Variants in KIF20B observed in about 807,000 individuals in gnomAD.
KIF20B encodes the protein kinesin family member 20B, also known as kinesin-like protein KIF20B.
Under a neutral mutation model 232.5 loss-of-function variants are expected in KIF20B, and 188 were observed. The observed-to-expected ratio is 0.81, with a 90% confidence interval of 0.72 to 0.91. The LOEUF is 0.91. KIF20B is among the 40% of genes least tolerant of loss of function. KIF20B has a pLI of 0.00. For synonymous variants in KIF20B, 712 were observed against 683.0 expected, an observed-to-expected ratio of 1.04 and a Z score of -0.66; for missense variants, 2,154 against 2,055.9, an observed-to-expected ratio of 1.05 and a Z score of -0.92.
intron 18 of KIF20B, among the ~76,000 whole-genome samples, chr10:89,730,186 T>A (rs889424888): frequency 2.6e-5 from 4 of 152,174 alleles, no homozygotes; most frequent in Non-Finnish European, 4.4e-5. Flanking sequence ...TTTTGGTATT[T>A]ATTAGATACA....
intron 6 of KIF20B, among the ~76,000 whole-genome samples, chr10:89,713,616 A>C (rs1394882674): frequency 6.6e-6 from 1 of 152,156 alleles, no homozygotes; most frequent in East Asian, 1.9e-4. Flanking sequence ...AAATAATAAG[A>C]ATGCAGAAGA....
rs546352087 is a variant in KIF20B, at chr10:89,740,873, G to A, written c.3915+1777G>A. Among the ~76,000 whole-genome samples, 239 of 152,214 alleles carry A rather than the reference G, an allele frequency of 1.6e-3. 1 individual carries two copies. Among genetic ancestry groups the A allele is most frequent in the African/African-American group, 5.4e-3 (225 of 41,538 alleles). ...AAAGTCTTTTTTATTGCTACTTATA[G>A]AGGTATCTCTTTTCAAGTATAGATA... On this transcript the variant is annotated intron_variant, in intron 21 of 32. Coordinates refer to ENST00000371728, the MANE Select transcript of KIF20B (RefSeq NM_001284259.2).
In KIF20B at chr10:89,757,069, T is replaced by TATATACAC. The variant is rs138088478; in HGVS notation, c.4504-1636_4504-1635insTATACACA. Among the ~76,000 whole-genome samples, 932 of 134,228 alleles carry TATATACAC rather than the reference T, an allele frequency of 6.9e-3. 11 individuals carry two copies. The highest frequency in any genetic ancestry group is 0.022 in the African/African-American group (779 of 36,166). 88.1% of individuals were successfully genotyped at this position (134,228 alleles called of 152,430 possible). On this transcript the variant is annotated intron_variant, in intron 26 of 32. Coordinates refer to ENST00000371728, the MANE Select transcript of KIF20B (RefSeq NM_001284259.2). Reference sequence around the variant, plus strand: ...ATATATATATATATATATATATATATACACACATGACAATTGCTAGATGAT... The same window carrying TATATACAC: ...ATATATATATATATATATATATATATATATACACACACACATGACAATTGCTAGATGAT...
chr10:89,747,742 G>C (rs1034659284), intron 23 of KIF20B, among the ~76,000 whole-genome samples: 1 of 151,868 alleles, frequency 6.6e-6, no homozygotes, highest in Non-Finnish European at 1.5e-5. Context: ...GTTATGGGGT[G>C]GGGGGAGTGG....
At chr10:89,705,682 G>A (rs1842707492) in intron 2 of KIF20B, among the ~76,000 whole-genome samples, 1 of 152,142 alleles carries the variant, frequency 6.6e-6, no homozygotes, top group Non-Finnish European at 1.5e-5. Flanking sequence ...CGTGCTTATT[G>A]GTTTATTTAT....
chr10:89,737,261 T>C, intron 19 of KIF20B, 126 bp from the exon 20 acceptor site: 1 of 1,039,062 alleles, frequency 9.6e-7, no homozygotes, highest in Non-Finnish European at 1.2e-6. Flanking sequence ...ACAGCTTATT[T>C]CATTTTTTTT....
Position 89,754,690 on chromosome 10 carries a change from TC to T in KIF20B, c.4503+18del. 3.4e-6 allele frequency: 5 copies of T among 1,490,832 alleles called. No homozygotes were observed. Among genetic ancestry groups the T allele is most frequent in the Non-Finnish European group, 4.5e-6 (5 of 1,116,040 alleles). The allele number at this position is 1,490,832 out of a possible 1,614,324, so 92.4% of individuals were successfully genotyped here. The stretch of plus-strand genomic sequence containing the variant: ...AATGAAATGGTTAGTAACAATTGTA[TC>T]TTTGATGTATTTCACCTACTTTCCT... On this transcript the variant is annotated intron_variant, in intron 26 of 32. Transcript: ENST00000371728.
At chr10:89,727,763 G>A in intron 16 of KIF20B, 93 bp from the exon 17 acceptor site, 2 of 1,091,164 alleles carry the variant, frequency 1.8e-6, no homozygotes, top group Non-Finnish European at 2.6e-6. Context: ...TAACAGTAAA[G>A]TGTCACTAGA....
At chr10:89,710,283 G>A (rs1405210943) in intron 5 of KIF20B, among the ~76,000 whole-genome samples, 2 of 150,226 alleles carry the variant, frequency 1.3e-5, no homozygotes, top group South Asian at 2.1e-4. Context: ...GTGCAGTGGT[G>A]TGATCTCAGC....
rs1447456206 is a variant in KIF20B, at chr10:89,738,441, T to G, written c.3600T>G (p.Asn1200Lys). The G allele has an allele frequency of 6.2e-7, 1 of 1,603,254 alleles. No individual in the cohort carries two copies. The highest frequency in any genetic ancestry group is 1.7e-5 in the Admixed American group (1 of 57,618). The part of the protein sequence containing the change: ...KESIILKLER[N>K]LKEFQEHLQD... Reference sequence around the variant, plus strand: ...CTATCATCTTAAAGCTAGAAAGAAATTTGAAGGAATTTCAAGAACATCTTC... The same window carrying G: ...CTATCATCTTAAAGCTAGAAAGAAAGTTGAAGGAATTTCAAGAACATCTTC... Residue 1200 changes from asparagine (N) to lysine (K), a missense_variant, in exon 20 of 33, where the codon AAT becomes AAG. Transcript: ENST00000371728.
Position 89,715,070 on chromosome 10 carries a change from T to C in KIF20B, c.828T>C (p.Phe276=). The C allele has an allele frequency of 6.2e-7, 1 of 1,607,148 alleles. No individual in the cohort carries two copies. Among genetic ancestry groups the C allele is most frequent in the Non-Finnish European group, 8.5e-7 (1 of 1,175,902 alleles). ...SIKFSVWVSF[F]EIYNEYIYDL... is the part of the protein sequence containing the mutation. ...AATTTTCTGTGTGGGTTTCTTTCTT[T>C]GAAATTTACAATGAATATATTTATG... Residue 276 remains phenylalanine (F), a synonymous_variant, in exon 8 of 33, where the codon TTT becomes TTC. Transcript: ENST00000371728.
In KIF20B at chr10:89,717,433, A is replaced by T. The variant is rs1842956439; in HGVS notation, c.1062A>T (p.Ile354=). The T allele has an allele frequency of 1.3e-6, 2 of 1,578,860 alleles. No individual in the cohort carries two copies. Among genetic ancestry groups the T allele is most frequent in the Non-Finnish European group, 1.7e-6 (2 of 1,152,484 alleles). The stretch of plus-strand genomic sequence containing the variant: ...GATCTTTGTATTTCAGTCACAGCAT[A>T]TTCACTGTTAAAATATTACAGATTG... ...LNNASSRSHS[I]FTVKILQIED... Residue 354 remains isoleucine (I), a synonymous_variant, in exon 10 of 33, where the codon ATA becomes ATT. Coordinates refer to ENST00000371728, the MANE Select transcript of KIF20B (RefSeq NM_001284259.2).
chr10:89,767,941 A>G (rs1242493922), intron 29 of KIF20B, among the ~76,000 whole-genome samples: 1 of 151,988 alleles, frequency 6.6e-6, no homozygotes, highest in Non-Finnish European at 1.5e-5. Context: ...TACTTGTGAT[A>G]TGTTTGAAAA....
Position 89,725,040 on chromosome 10 carries a change from G to C in KIF20B, c.1883G>C (p.Arg628Pro), listed in dbSNP as rs758155614. 6.2e-7 allele frequency: 1 copy of C among 1,613,554 alleles called. No individual in the cohort carries two copies. The highest frequency in any genetic ancestry group is 2.2e-5 in the East Asian group (1 of 44,862). The stretch of plus-strand genomic sequence containing the variant: ...TGAAGGGAGACTCTGCTTCAAGAAC[G>C]AGAGATATTAGAAGAAAATGCTGAA... ...ADFKETLLQE[R>P]EILEENAERR... Residue 628 changes from arginine (R) to proline (P), a missense_variant, in exon 15 of 33, where the codon CGA (arginine) becomes CCA (proline). Physicochemically the swap from Arg to Pro is moderately radical, Grantham distance 103. Coordinates refer to ENST00000371728, the MANE Select transcript of KIF20B (RefSeq NM_001284259.2).
At chr10:89,757,409 C>T (rs1589879957) in intron 26 of KIF20B, among the ~76,000 whole-genome samples, 6 of 151,682 alleles carry the variant, frequency 4.0e-5, no homozygotes. Context: ...TTGCAAGTAC[C>T]TTCTTTCTAT....
At position 89,745,906 on chromosome 10, in the gene KIF20B, TA is replaced by T; in HGVS notation, c.4046del (p.Asn1349IlefsTer19). 7 of 1,600,298 alleles carry T rather than the reference TA, an allele frequency of 4.4e-6. No homozygotes were observed. Among genetic ancestry groups the T allele is most frequent in the Non-Finnish European group, 5.1e-6 (6 of 1,167,416 alleles). ...QRTIQQLKEQ[L>X]NNQKVEEAIQ... The stretch of plus-strand genomic sequence containing the variant: ...TATTCTTTCAATTTGTAGGAGCAGT[TA>T]AATAATCAGAAAGTGGAAGAAGCTA... On this transcript the variant is annotated frameshift_variant, in exon 23 of 33. Coordinates refer to ENST00000371728, the MANE Select transcript of KIF20B (RefSeq NM_001284259.2). LOFTEE classifies it high-confidence loss of function.
intron 17 of KIF20B, among the ~76,000 whole-genome samples, chr10:89,728,499 GT>G (rs1485591955): frequency 1.3e-5 from 2 of 150,242 alleles, no homozygotes; most frequent in African/African-American, 2.4e-5. Flanking sequence ...GGGTGACATA[GT>G]TTTTTTAGTT....
At chr10:89,720,121 C>T (rs1564660534) in intron 13 of KIF20B, among the ~76,000 whole-genome samples, 1 of 151,956 alleles carries the variant, frequency 6.6e-6, no homozygotes, top group African/African-American at 2.4e-5. Context: ...TTGAGAGTTC[C>T]CCAGTGTTCC....
chr10:89,721,626 C>T (rs1223492955), intron 13 of KIF20B, among the ~76,000 whole-genome samples: 1 of 151,948 alleles, frequency 6.6e-6, no homozygotes, highest in African/African-American at 2.4e-5. Flanking sequence ...GCCATCACTG[C>T]ACTACTGCAC....
Sources: gnomAD v4.1 joint callset for allele counts (sites outside exome capture counted in the v4.1 genomes callset) on GRCh38, gnomAD v4.1.1 for gene constraint, MANE v1.5 for transcripts, NCBI Gene and HGNC (gene_info 2026-07-23, HGNC 2026-07-21) for gene names.